ZFPM2: variants seen among roughly 807,000 people sequenced by gnomAD.
ZFPM2 encodes zinc finger protein, FOG family member 2.
ZFPM2 carries 20 observed loss-of-function variants against 98.6 expected under a neutral mutation model. The observed-to-expected ratio is 0.20, with a 90% CI of 0.14 to 0.29. The LOEUF (loss-of-function observed/expected upper bound fraction) is 0.29. Among genes scored for constraint, ZFPM2 ranks in the 10% least tolerant of loss-of-function variants. The probability of loss-of-function intolerance (pLI) is 1.00; values close to 1 mark genes in which losing one functional copy is unlikely to be tolerated. For synonymous variants in ZFPM2, 518 were observed against 502.7 expected, an observed-to-expected ratio of 1.03 and a Z score of -0.41; for missense variants, 1,310 against 1,388.6, an observed-to-expected ratio of 0.94 and a Z score of 0.90.
chr8:105,431,891 C>G (rs939334042), intron 2 of ZFPM2, among the ~76,000 whole-genome samples: 2 of 137,032 alleles, frequency 1.5e-5, no homozygotes, highest in African/African-American at 5.9e-5. Flanking sequence ...TACCACTGTT[C>G]AGACTGGGTG....
chr8:105,799,664 T>A (rs183746082), intron 7 of ZFPM2, among the ~76,000 whole-genome samples: 176 of 152,304 alleles, frequency 1.2e-3, no homozygotes, highest in African/African-American at 3.5e-3. Flanking sequence ...TCATATTTTT[T>A]AAAAAATGAA....
chr8:105,629,661 G>A (rs1296753674), intron 4 of ZFPM2, among the ~76,000 whole-genome samples: 2 of 152,180 alleles, frequency 1.3e-5, no homozygotes, highest in East Asian at 1.9e-4. Context: ...AATCCATTTC[G>A]TGCTCATTCA....
chr8:105,698,527 A>G (rs1274708194), intron 5 of ZFPM2, among the ~76,000 whole-genome samples: 4 of 152,216 alleles, frequency 2.6e-5, no homozygotes, highest in African/African-American at 7.2e-5. Context: ...ACAAAAAGGA[A>G]TATATTAATT....
At chr8:105,673,187 C>CTTTTTTTTTTTT (rs5893754) in intron 5 of ZFPM2, among the ~76,000 whole-genome samples, 1 of 87,526 alleles carries the variant, frequency 1.1e-5, no homozygotes, top group Non-Finnish European at 2.0e-5. Context: ...AAATAGCATG[C>CTTTTTTTTTTTT]TTTTTTTTTT....
intron 5 of ZFPM2, among the ~76,000 whole-genome samples, chr8:105,746,614 A>G (rs1812351691): frequency 6.7e-6 from 1 of 150,012 alleles, no homozygotes. Flanking sequence ...TAACTATGGG[A>G]GAGTTTTGTT....
rs570190163 is a variant in ZFPM2 at position 105,581,729 on chromosome 8, T to C, written c.420+20248T>C. Among the ~76,000 whole-genome samples the C allele has an allele frequency of 2.0e-4, 31 of 152,316 alleles. No individual in the cohort carries two copies. In the South Asian group the frequency reaches 6.4e-3, roughly 32 times the overall value. On this transcript the variant is annotated intron_variant, in intron 4 of 7. Coordinates refer to ENST00000407775, the MANE Select transcript of ZFPM2 (RefSeq NM_012082.4). ...TCACTTAAAATCTACAATTTAAAAC[T>C]TTAAAAAATAACTTCAACCATACCT...
At chr8:105,539,467 A>G (rs1563707830) in intron 3 of ZFPM2, among the ~76,000 whole-genome samples, 1 of 152,178 alleles carries the variant, frequency 6.6e-6, no homozygotes, top group Non-Finnish European at 1.5e-5. Flanking sequence ...GCATTTTAAT[A>G]CACTACACAC....
At chr8:105,668,297 A>C (rs2130899115) in intron 5 of ZFPM2, among the ~76,000 whole-genome samples, 1 of 152,324 alleles carries the variant, frequency 6.6e-6, no homozygotes, top group Admixed American at 6.5e-5. Flanking sequence ...TGCTGGCCTA[A>C]TTTTGGATGA....
chr8:105,357,750 A>G (rs1656196138), intron 1 of ZFPM2, among the ~76,000 whole-genome samples: 1 of 152,198 alleles, frequency 6.6e-6, no homozygotes, highest in African/African-American at 2.4e-5. Flanking sequence ...TTCACTTTCA[A>G]TAACTGACTT....
chr8:105,660,818 A>G (rs866230904), intron 5 of ZFPM2, among the ~76,000 whole-genome samples: 12 of 152,228 alleles, frequency 7.9e-5, no homozygotes, highest in African/African-American at 2.9e-4. Flanking sequence ...CTAATACTAC[A>G]TAGTGTTTCA....
At chr8:105,699,614 C>T (rs1811096209) in intron 5 of ZFPM2, among the ~76,000 whole-genome samples, 1 of 152,042 alleles carries the variant, frequency 6.6e-6, no homozygotes, top group Non-Finnish European at 1.5e-5. Flanking sequence ...TATAACACCT[C>T]TCAAAAGTGA....
intron 4 of ZFPM2, among the ~76,000 whole-genome samples, chr8:105,616,412 G>A (rs1464486530): frequency 1.3e-5 from 2 of 151,830 alleles, no homozygotes; most frequent in African/African-American, 4.8e-5. Flanking sequence ...TAGATACAAA[G>A]TAAAAAGATT....
At position 105,506,042 on chromosome 8, in the gene ZFPM2, A is replaced by T. The variant is rs555072007; in HGVS notation, c.302-55321A>T. ...GCCTTCCCCAAAGTCAAGTGTAAAGAAGCACTGTAAATATCATGAATAAAT... is the reference window on the plus strand; with the variant it reads ...GCCTTCCCCAAAGTCAAGTGTAAAGTAGCACTGTAAATATCATGAATAAAT... On this transcript the variant is annotated intron_variant, in intron 3 of 7. Coordinates refer to ENST00000407775, the MANE Select transcript of ZFPM2 (RefSeq NM_012082.4). Among the ~76,000 whole-genome samples, 134 of 152,300 alleles carry T rather than the reference A, an allele frequency of 8.8e-4. 1 individual carries two copies. Among genetic ancestry groups the T allele is most frequent in the Non-Finnish European group, 1.4e-3 (96 of 67,994 alleles).
chr8:105,645,235 T>C (rs1327201273), intron 5 of ZFPM2, among the ~76,000 whole-genome samples: 1 of 152,236 alleles, frequency 6.6e-6, no homozygotes, highest in Non-Finnish European at 1.5e-5. Context: ...TCTTTGACTT[T>C]CTACAGTATC....
intron 4 of ZFPM2, among the ~76,000 whole-genome samples, chr8:105,612,550 T>G (rs1816328609): frequency 2.0e-5 from 3 of 152,288 alleles, no homozygotes; most frequent in Admixed American, 2.0e-4. Context: ...TTCACACAAA[T>G]TTTTTCCTGG....
At chr8:105,535,978 G>A (rs1814442712) in intron 3 of ZFPM2, among the ~76,000 whole-genome samples, 1 of 152,152 alleles carries the variant, frequency 6.6e-6, no homozygotes, top group Non-Finnish European at 1.5e-5. Flanking sequence ...ATGGGAACTT[G>A]TCTGCATAGG....
At position 105,746,631 on chromosome 8, in the gene ZFPM2, C is replaced by T. The variant is rs1272523959; in HGVS notation, c.533-42087C>T. Among the ~76,000 whole-genome samples, 4 of 140,642 alleles carry T rather than the reference C, an allele frequency of 2.8e-5. No individual in the cohort carries two copies. In the East Asian group the frequency reaches 8.3e-4, roughly 29 times the overall value. 92.3% of individuals were successfully genotyped at this position (140,642 alleles called of 152,430 possible). ...ACTATGGGAGAGTTTTGTTTTCTTG[C>T]GTTTTCTTGTTCTGTTTTTAAAAAT... On this transcript the variant is annotated intron_variant, in intron 5 of 7. Transcript: ENST00000407775.
chr8:105,675,609 A>G (rs1329297740), intron 5 of ZFPM2, among the ~76,000 whole-genome samples: 1 of 152,156 alleles, frequency 6.6e-6, no homozygotes, highest in African/African-American at 2.4e-5. Flanking sequence ...CTGCAAAGAA[A>G]GAAGGGGCTG....
chr8:105,323,509 A>G (rs1812065830), intron 1 of ZFPM2, among the ~76,000 whole-genome samples: 1 of 151,968 alleles, frequency 6.6e-6, no homozygotes, highest in South Asian at 2.1e-4. Flanking sequence ...TGTATTCTGT[A>G]TAATAGTTGT....
Sources: allele counts gnomAD v4.1 joint callset (sites outside exome capture counted in the v4.1 genomes callset), GRCh38; gene constraint gnomAD v4.1.1; transcripts MANE v1.5; gene names NCBI Gene and HGNC (gene_info 2026-07-23, HGNC 2026-07-21).